PUM1: variants seen among roughly 807,000 people sequenced by gnomAD.
The protein encoded by PUM1 is pumilio RNA binding family member 1, also known as pumilio homolog 1.
PUM1 carries 13 observed loss-of-function variants against 131.8 expected under a neutral mutation model. That is an observed-to-expected ratio of 0.10 (90% CI 0.06 to 0.16). The LOEUF is 0.16. PUM1 is among the 10% of genes least tolerant of loss of function. PUM1 has a pLI of 1.00. For synonymous variants in PUM1, 509 were observed against 556.5 expected (o/e 0.91, Z 1.20); for missense variants, 961 against 1,512.4 (o/e 0.64, Z 6.05).
chr1:30,981,595 C>G (rs1641358141), intron 7 of PUM1, among the ~76,000 whole-genome samples, 190 bp from the exon 8 acceptor site: 1 of 152,134 alleles, frequency 6.6e-6, no homozygotes, highest in African/African-American at 2.4e-5. Flanking sequence ...GTCTCTCTTT[C>G]TTTACTTCAA....
At chr1:30,964,649 G>A in intron 14 of PUM1, 25 bp downstream of exon 14, 3 of 1,560,396 alleles carry the variant, frequency 1.9e-6, no homozygotes, top group Non-Finnish European at 2.7e-6. Flanking sequence ...AGAGTTCAAG[G>A]TGGTGTTAGA....
intron 17 of PUM1, 49 bp from the exon 18 acceptor site, chr1:30,945,532 T>G (rs755996846): frequency 8.1e-6 from 13 of 1,601,206 alleles, no homozygotes; most frequent in Non-Finnish European, 1.1e-5. Context: ...AGCAAACATG[T>G]GGACAAATAA....
intron 10 of PUM1, among the ~76,000 whole-genome samples, chr1:30,973,964 T>C (rs1322421004): frequency 6.6e-6 from 1 of 152,110 alleles, no homozygotes; most frequent in Non-Finnish European, 1.5e-5. Context: ...GTAGCGTGCC[T>C]GTAATCCCAG....
chr1:30,996,694 C>T (rs1641991046), intron 5 of PUM1, among the ~76,000 whole-genome samples: 1 of 152,168 alleles, frequency 6.6e-6, no homozygotes, highest in East Asian at 1.9e-4. Flanking sequence ...AAGTATGTGG[C>T]TGTTATTGAT....
intron 16 of PUM1, among the ~76,000 whole-genome samples, chr1:30,950,715 C>T (rs1183172999): frequency 6.6e-6 from 1 of 152,184 alleles, no homozygotes; most frequent in African/African-American, 2.4e-5. Flanking sequence ...CAAAAATTGG[C>T]TGGGCATGGT....
Position 31,005,866 on chromosome 1 carries a change from C to A in PUM1, c.707G>T (p.Arg236Ile), listed in dbSNP as rs1397388600. ...LSSSPGDSCLRKGGFGPRDAD... is the reference protein window; with the variant it reads ...LSSSPGDSCLIKGGFGPRDAD... ...AAGCCAACTTACAAATCCTCCTTTTCTTAGACAGGAATCGCCCGGGGATGA... is the reference window on the plus strand; with the variant it reads ...AAGCCAACTTACAAATCCTCCTTTTATTAGACAGGAATCGCCCGGGGATGA... Residue 236 changes from arginine to isoleucine, a missense_variant, in exon 5 of 22, where the codon AGA becomes ATA. Physicochemically the swap from Arg to Ile is moderately conservative, Grantham distance 97. Around this residue, in one of 4 missense-constraint regions of PUM1, gnomAD observed 654 missense variants for 923.9 expected, o/e 0.71. Transcript: ENST00000426105. The A allele has an allele frequency of 9.4e-6, 15 of 1,598,108 alleles. No individual in the cohort carries two copies. Among genetic ancestry groups the A allele is most frequent in the Non-Finnish European group, 1.2e-5 (14 of 1,174,686 alleles).
intron 7 of PUM1, among the ~76,000 whole-genome samples, chr1:30,985,259 A>C (rs1196910836): frequency 6.6e-6 from 1 of 152,056 alleles, no homozygotes; most frequent in Non-Finnish European, 1.5e-5. Flanking sequence ...CCCCCAACAG[A>C]CTCAGCCCTT....
intron 17 of PUM1, among the ~76,000 whole-genome samples, chr1:30,949,794 GAA>G (rs977877618): frequency 6.6e-6 from 1 of 152,160 alleles, no homozygotes; most frequent in Non-Finnish European, 1.5e-5. Context: ...TGGGTTGGAT[GAA>G]AGTTTGACTT....
At chr1:30,959,933 C>G (rs191520344) in intron 14 of PUM1, among the ~76,000 whole-genome samples, 5 of 149,502 alleles carry the variant, frequency 3.3e-5, no homozygotes, top group African/African-American at 1.2e-4. Context: ...GCATAAAAAA[C>G]ACTTGACAAA....
At position 30,942,191 on chromosome 1, in the gene PUM1, T is replaced by TTATA. The variant is rs58848270; in HGVS notation, c.2995-72_2995-69dup. The TTATA allele has an allele frequency of 9.1e-3, 1,316 of 144,660 alleles. 44 individuals carry two copies. Among genetic ancestry groups the TTATA allele is most frequent in the Non-Finnish European group, 0.011 (844 of 79,680 alleles). 9.0% of individuals were successfully genotyped at this position (144,660 alleles called of 1,614,324 possible). ...ACCACCTTCAATGCTTCAGTATTGT[T>TTATA]TATATATATATATATATATATATAT... is the stretch of plus-strand genomic sequence containing the variant. On this transcript the variant is annotated intron_variant, in intron 18 of 21. Transcript: ENST00000426105.
chr1:30,999,643 A>AAAAG (rs1642131090), intron 5 of PUM1, among the ~76,000 whole-genome samples: 1 of 131,738 alleles, frequency 7.6e-6, no homozygotes, highest in African/African-American at 2.7e-5. Context: ...AAAAAAAAAA[A>AAAAG]GGTGCTGAAC....
At chr1:30,942,227 ATATATATATG>A (rs1639480384) in intron 18 of PUM1, 104 bp from the exon 19 acceptor site, 2 of 144,404 alleles carry the variant, frequency 1.4e-5, no homozygotes, top group African/African-American at 3.3e-5. Flanking sequence ...ATATATATAT[ATATATATATG>A]TATTATCCCA....
intron 15 of PUM1, among the ~76,000 whole-genome samples, chr1:30,953,025 TATTC>T (rs1246721388): frequency 1.3e-5 from 2 of 151,940 alleles, no homozygotes; most frequent in South Asian, 2.1e-4. Flanking sequence ...AACAAAACAG[TATTC>T]ATTATCTTCT....
rs1048632612 is a variant in PUM1, at chr1:31,041,866, T to C, written c.364-13002A>G. ...CAACACAAAATGGACTAACATACTT[T>C]TTTTAAAAAAAAATGAGAAAGATAA... On this transcript the variant is annotated intron_variant, in intron 2 of 21. Coordinates refer to ENST00000426105, the MANE Select transcript of PUM1 (RefSeq NM_001020658.2). Among the ~76,000 whole-genome samples the C allele has an allele frequency of 3.3e-5, 5 of 152,124 alleles. No individual in the cohort carries two copies. The South Asian group carries it at 8.3e-4, about 25-fold the overall frequency.
intron 7 of PUM1, among the ~76,000 whole-genome samples, chr1:30,991,080 AGAG>A (rs1017091024): frequency 6.7e-6 from 1 of 149,248 alleles, no homozygotes; most frequent in Non-Finnish European, 1.5e-5. Context: ...TAAAAAAAAA[AGAG>A]AGAACCATAT....
intron 5 of PUM1, among the ~76,000 whole-genome samples, chr1:31,003,392 T>C (rs1426566758): frequency 6.6e-6 from 1 of 152,198 alleles, no homozygotes; most frequent in African/African-American, 2.4e-5. Flanking sequence ...TGGTCAGGTG[T>C]CATCCTGACC....
chr1:30,954,448 G>C (rs1640067927), intron 14 of PUM1, among the ~76,000 whole-genome samples: 1 of 152,104 alleles, frequency 6.6e-6, no homozygotes, highest in Non-Finnish European at 1.5e-5. Context: ...CATCCAGATT[G>C]GTCTGTTTTA....
intron 3 of PUM1, among the ~76,000 whole-genome samples, chr1:31,008,238 C>T (rs1383330191): frequency 6.6e-6 from 1 of 152,010 alleles, no homozygotes; most frequent in South Asian, 2.1e-4. Flanking sequence ...TCTCTGCTTC[C>T]CAAATCTAAT....
At chr1:30,991,079 A>AAG in intron 7 of PUM1, among the ~76,000 whole-genome samples, 1 of 152,120 alleles carries the variant, frequency 6.6e-6, no homozygotes, top group African/African-American at 2.4e-5. Flanking sequence ...TTAAAAAAAA[A>AAG]AGAGAGAACC....
Sources: allele counts gnomAD v4.1 joint callset (sites outside exome capture counted in the v4.1 genomes callset), GRCh38; gene constraint gnomAD v4.1.1; regional missense constraint gnomAD v4.1.1; transcripts MANE v1.5; gene names NCBI Gene and HGNC (gene_info 2026-07-23, HGNC 2026-07-21).